Variants in CEP83 observed in about 807,000 individuals in gnomAD.
The protein encoded by CEP83 is centrosomal protein of 83 kDa.
CEP83 carries 70 observed loss-of-function variants against 101.9 expected under a neutral mutation model. The ratio of observed to expected loss-of-function variants is 0.69; its 90% confidence interval spans 0.57 to 0.84. The LOEUF (loss-of-function observed/expected upper bound fraction) is 0.84. CEP83 is among the 40% of genes least tolerant of loss of function. The probability of loss-of-function intolerance (pLI) is 0.00; values close to 1 mark genes in which losing one functional copy is unlikely to be tolerated. For missense variants in CEP83, 715 were observed against 787.2 expected (o/e 0.91, Z 1.10); for synonymous variants, 264 against 267.9 (o/e 0.99, Z 0.14).
chr12:94,301,510 G>A (rs1327215868), downstream of CEP83, among the ~76,000 whole-genome samples: 1 of 152,148 alleles, frequency 6.6e-6, no homozygotes, highest in African/African-American at 2.4e-5. Context: ...TCTAATCAAA[G>A]CATGAGTACT....
chr12:94,423,489 G>A (rs868459778), intron 2 of CEP83, among the ~76,000 whole-genome samples: 254 of 114,446 alleles, frequency 2.2e-3, no homozygotes, highest in African/African-American at 8.0e-3. Flanking sequence ...AAGAAAAAAA[G>A]TTTTTTTGAT....
the CEP83 span, among the ~76,000 whole-genome samples, chr12:94,285,824 A>G: frequency 6.6e-6 from 1 of 151,752 alleles, no homozygotes; most frequent in Non-Finnish European, 1.5e-5. Context: ...GGGGACACAG[A>G]CTCCAAGGCC....
chr12:94,299,048 G>A, the CEP83 span, among the ~76,000 whole-genome samples: 712 of 152,290 alleles, frequency 4.7e-3, 2 homozygotes, highest in Non-Finnish European at 8.0e-3. Context: ...TGTCTAGAAT[G>A]TTAAAAGAAA....
intron 11 of CEP83, among the ~76,000 whole-genome samples, chr12:94,353,584 G>T (rs2060300764): frequency 6.6e-6 from 1 of 152,084 alleles, no homozygotes; most frequent in South Asian, 2.1e-4. Context: ...TCTCTACCAA[G>T]AATAACTTTG....
rs563918181 is a variant in CEP83 at position 94,441,323 on chromosome 12, G to C, written c.-154-5996C>G. On this transcript the variant is annotated intron_variant, in intron 1 of 16. Transcript: ENST00000397809. ...ATCTACGAGGAACTCAAACAAATCT[G>C]CAAGAAAAAAACCAAATATTCCCAT... Among the ~76,000 whole-genome samples, 3 of 152,086 alleles carry C rather than the reference G, an allele frequency of 2.0e-5. No homozygotes were observed. In the East Asian group the frequency reaches 5.8e-4, roughly 29 times the overall value.
chr12:94,454,573 G>C (rs1352624962), intron 1 of CEP83, among the ~76,000 whole-genome samples: 1 of 152,222 alleles, frequency 6.6e-6, no homozygotes, highest in East Asian at 1.9e-4. Context: ...GGCCAAATAA[G>C]GGAAGAAGAG....
chr12:94,348,082 G>C (rs2060021964), intron 11 of CEP83, among the ~76,000 whole-genome samples: 1 of 151,356 alleles, frequency 6.6e-6, no homozygotes, highest in African/African-American at 2.4e-5. Context: ...TAGTTAAAAT[G>C]GTAAATTTTA....
At chr12:94,336,442 C>T (rs117847702) in intron 11 of CEP83, among the ~76,000 whole-genome samples, 2,388 of 152,290 alleles carry the variant, frequency 0.016, 24 homozygotes, top group Middle Eastern at 0.034. Flanking sequence ...GTATTATTAG[C>T]ATGTCTTATC....
At chr12:94,442,007 T>C (rs939743509) in intron 1 of CEP83, among the ~76,000 whole-genome samples, 12 of 150,912 alleles carry the variant, frequency 8.0e-5, no homozygotes, top group Non-Finnish European at 1.3e-4. Flanking sequence ...AAAGAAGTCA[T>C]TATATGAAAA....
intron 7 of CEP83, among the ~76,000 whole-genome samples, chr12:94,376,686 T>TATATAC (rs2061553820): frequency 1.1e-5 from 1 of 87,726 alleles, no homozygotes; most frequent in Admixed American, 1.1e-4. Flanking sequence ...TATATATACA[T>TATATAC]ATATACACAC....
chr12:94,436,398 C>A (rs1004946868), intron 1 of CEP83, among the ~76,000 whole-genome samples: 1 of 151,450 alleles, frequency 6.6e-6, no homozygotes, highest in Admixed American at 6.6e-5. Context: ...AAAAAGACAA[C>A]CACAACTTCT....
At chr12:94,376,730 C>T (rs868287812) in intron 7 of CEP83, among the ~76,000 whole-genome samples, 1 of 106,788 alleles carries the variant, frequency 9.4e-6, no homozygotes, top group Non-Finnish European at 2.0e-5. Context: ...CACACACACA[C>T]ACATATATAT....
intron 15 of CEP83, chr12:94,312,489 G>T: frequency 1.6e-6 from 1 of 639,232 alleles, no homozygotes; most frequent in Non-Finnish European, 1.9e-6. Flanking sequence ...TGATGATCCT[G>T]ATTATCAGAT....
At chr12:94,433,140 C>T (rs1016394618) in intron 2 of CEP83, among the ~76,000 whole-genome samples, 1 of 152,108 alleles carries the variant, frequency 6.6e-6, no homozygotes, top group African/African-American at 2.4e-5. Flanking sequence ...AGGCCACATG[C>T]AGAAGACTGG....
chr12:94,357,162 G>T (rs2060517823), intron 11 of CEP83, among the ~76,000 whole-genome samples: 1 of 152,142 alleles, frequency 6.6e-6, no homozygotes, highest in Non-Finnish European at 1.5e-5. Context: ...AATCCCGATT[G>T]CCAGGCTGCT....
At chr12:94,422,071 TCTTC>T (rs1484900163) in intron 2 of CEP83, among the ~76,000 whole-genome samples, 2 of 152,246 alleles carry the variant, frequency 1.3e-5, no homozygotes, top group Non-Finnish European at 2.9e-5. Flanking sequence ...AGCCTGTTTC[TCTTC>T]CTTATTTGGA....
At chr12:94,384,046 T>C (rs550141581) in intron 6 of CEP83, among the ~76,000 whole-genome samples, 1 of 152,170 alleles carries the variant, frequency 6.6e-6, no homozygotes, top group African/African-American at 2.4e-5. Context: ...CTGTTTACCA[T>C]GTACATTTAT....
chr12:94,268,630 T>C, the CEP83 span, among the ~76,000 whole-genome samples: 1 of 124,898 alleles, frequency 8.0e-6, no homozygotes, highest in East Asian at 2.6e-4. Flanking sequence ...GGAATACCAC[T>C]CTAGTGCAGG....
chr12:94,382,182 T>C (rs1401012786), intron 6 of CEP83, among the ~76,000 whole-genome samples: 2 of 152,108 alleles, frequency 1.3e-5, no homozygotes, highest in East Asian at 3.9e-4. Flanking sequence ...TCCCTTCTAA[T>C]GTCTGCAAGG....
Sources: gnomAD v4.1 joint callset for allele counts (sites outside exome capture counted in the v4.1 genomes callset) on GRCh38, gnomAD v4.1.1 for gene constraint, MANE v1.5 for transcripts, NCBI Gene and HGNC (gene_info 2026-07-23, HGNC 2026-07-21) for gene names.